The following RHPN2 variants were observed in gnomAD, a reference collection of about 807,000 sequenced individuals.
RHPN2 encodes the protein rhophilin Rho GTPase binding protein 2.
A neutral mutation model predicts 79.0 loss-of-function variants in RHPN2; 40 were observed. That is an observed-to-expected ratio of 0.51 (90% CI 0.39 to 0.66). The LOEUF is 0.66. Among genes scored for constraint, RHPN2 ranks in the 30% least tolerant of loss-of-function variants. The pLI is 0.00. For missense variants in RHPN2, 686 were observed against 883.5 expected (o/e 0.78, Z 2.83); for synonymous variants, 285 against 363.5 (o/e 0.78, Z 2.46).
At chr19:33,027,754 A>G (rs1269109029) in intron 2 of RHPN2, among the ~76,000 whole-genome samples, 1 of 152,076 alleles carries the variant, frequency 6.6e-6, no homozygotes, top group Admixed American at 6.6e-5. Flanking sequence ...ATAAAGGACA[A>G]AAAAACACAT....
At chr19:32,993,832 G>A (rs1210953582) in intron 12 of RHPN2, 145 bp downstream of exon 12, 3 of 686,360 alleles carry the variant, frequency 4.4e-6, no homozygotes, top group Middle Eastern at 2.5e-4. Context: ...CCAGCCTCCG[G>A]AACTAAGAAA....
rs181157790 is a variant in RHPN2 at position 33,050,419 on chromosome 19, C to T, written c.70-6055G>A. ...TACAATTTATATATAATAAAATACA[C>T]ATATTTTAAGTATATAGTTCAATGA... On this transcript the variant is annotated intron_variant, in intron 1 of 14. Transcript: ENST00000254260. 4.6e-5 allele frequency among the ~76,000 whole-genome samples: 7 copies of T among 152,260 alleles called. No homozygotes were observed. In the East Asian group the frequency reaches 1.3e-3, roughly 29 times the overall value.
chr19:33,039,715 G>A (rs575918920), intron 2 of RHPN2, among the ~76,000 whole-genome samples: 1 of 152,046 alleles, frequency 6.6e-6, no homozygotes, highest in South Asian at 2.1e-4. Context: ...GCGCATGCTT[G>A]TAGTCCCAGC....
rs76886985 is a variant in RHPN2 at position 33,036,718 on chromosome 19, G to C, written c.185+7531C>G. On this transcript the variant is annotated intron_variant, in intron 2 of 14. Coordinates refer to ENST00000254260, the MANE Select transcript of RHPN2 (RefSeq NM_033103.5). The stretch of plus-strand genomic sequence containing the variant: ...GTTCCAGGTGGGCGTGGGCTGGACG[G>C]GCCCCGCACTAGGAGCCGACGTCCG... Among the ~76,000 whole-genome samples, 3,562 of 152,298 alleles carry C rather than the reference G, an allele frequency of 0.023. 401 individuals carry two copies. In the East Asian group the frequency reaches 0.36, roughly 15 times the overall value.
chr19:32,987,035 C>G (rs1971617903), intron 14 of RHPN2, among the ~76,000 whole-genome samples: 1 of 151,622 alleles, frequency 6.6e-6, no homozygotes, highest in South Asian at 2.1e-4. Flanking sequence ...CGCCACCATG[C>G]CTCGCTAATT....
Position 33,059,912 on chromosome 19 carries a change from A to G in RHPN2, c.69+4872T>C, listed in dbSNP as rs540839931. On this transcript the variant is annotated intron_variant, in intron 1 of 14. Coordinates refer to ENST00000254260, the MANE Select transcript of RHPN2 (RefSeq NM_033103.5). ...TCTCTACCCACCTCTTAAGCGGAGG[A>G]TCCTTTCTAGCCCAGATCCTTTCAC... 2.0e-5 allele frequency among the ~76,000 whole-genome samples: 3 copies of G among 152,062 alleles called. No homozygotes were observed. The South Asian group carries it at 6.2e-4, about 32-fold the overall frequency.
At chr19:33,020,507 T>TA (rs1271571129) in intron 4 of RHPN2, among the ~76,000 whole-genome samples, 2 of 151,530 alleles carry the variant, frequency 1.3e-5, no homozygotes, top group Non-Finnish European at 2.9e-5. Context: ...TTTTTTTTTT[T>TA]TTTTGAAATG....
intron 2 of RHPN2, among the ~76,000 whole-genome samples, chr19:33,038,169 G>A (rs1047515040): frequency 5.9e-5 from 9 of 151,976 alleles, no homozygotes; most frequent in African/African-American, 2.2e-4. Flanking sequence ...GGACAACATG[G>A]TGAACCCCCT....
At chr19:32,987,733 T>C (rs1347046469) in intron 14 of RHPN2, among the ~76,000 whole-genome samples, 1 of 152,330 alleles carries the variant, frequency 6.6e-6, no homozygotes, top group East Asian at 1.9e-4. Flanking sequence ...AAATATTTAT[T>C]TCTAGCTCTG....
chr19:33,064,717 T>C, intron 1 of RHPN2, 67 bp downstream of exon 1: 2 of 1,441,820 alleles, frequency 1.4e-6, no homozygotes, highest in Non-Finnish European at 1.8e-6. Context: ...CCACGGCCCC[T>C]GCAGGGCCCG....
At chr19:32,991,602 A>G (rs1274848778) in intron 13 of RHPN2, among the ~76,000 whole-genome samples, 1 of 152,198 alleles carries the variant, frequency 6.6e-6, no homozygotes, top group Non-Finnish European at 1.5e-5. Context: ...CCACTGCACG[A>G]TCGCGACTCA....
In RHPN2 at chr19:33,002,176, T is replaced by C. The variant is rs1024059585; in HGVS notation, c.1105+71A>G. ...TCCAGGGAAGGCAGTTAGCTCTCAC[T>C]CAGCTCAGAATCGCCCCTGGGGCAG... On this transcript the variant is annotated intron_variant, in intron 9 of 14. Transcript: ENST00000254260. 4 of 1,552,644 alleles carry C rather than the reference T, an allele frequency of 2.6e-6. No individual in the cohort carries two copies. The African/African-American group carries it at 5.4e-5, about 21-fold the overall frequency.
chr19:33,063,296 A>T (rs1972297661), intron 1 of RHPN2, among the ~76,000 whole-genome samples: 1 of 151,856 alleles, frequency 6.6e-6, no homozygotes, highest in South Asian at 2.1e-4. Context: ...GCTAAAAGCA[A>T]CTTCACAAAA....
intron 12 of RHPN2, among the ~76,000 whole-genome samples, chr19:32,993,020 A>G (rs1971673266): frequency 6.6e-6 from 1 of 152,098 alleles, no homozygotes; most frequent in African/African-American, 2.4e-5. Flanking sequence ...AGGGTAGCTA[A>G]GGCAGGAGGA....
At chr19:32,990,892 G>A (rs1324308650) in intron 13 of RHPN2, 4 of 514,780 alleles carry the variant, frequency 7.8e-6, no homozygotes, top group Middle Eastern at 5.6e-4. Flanking sequence ...AGCCAGGTGT[G>A]GTGGTGGGCA....
intron 14 of RHPN2, among the ~76,000 whole-genome samples, chr19:32,981,428 G>A (rs1194540290): frequency 9.7e-6 from 1 of 102,752 alleles, no homozygotes; most frequent in African/African-American, 3.8e-5. Flanking sequence ...GGGGGGGGGC[G>A]GGGGGAAGGG....
intron 13 of RHPN2, chr19:32,991,476 A>T (rs1029445070): frequency 3.2e-6 from 1 of 309,990 alleles, no homozygotes; most frequent in African/African-American, 2.2e-5. Context: ...AAAAACAAAA[A>T]CTAAAATTAG....
chr19:33,041,450 T>G (rs1170363476), intron 2 of RHPN2, among the ~76,000 whole-genome samples: 1 of 152,204 alleles, frequency 6.6e-6, no homozygotes, highest in Non-Finnish European at 1.5e-5. Context: ...GGGTTTCCTC[T>G]GACAACATTC....
rs145826090 is a variant in RHPN2, at chr19:33,021,625, C to G, written c.336G>C (p.Leu112=). The G allele has an allele frequency of 1.2e-6, 2 of 1,613,802 alleles. No individual in the cohort carries two copies. Among genetic ancestry groups the G allele is most frequent in the African/African-American group, 1.3e-5 (1 of 74,914 alleles). Residue 112 remains leucine (L), a synonymous_variant, in exon 4 of 15, where the codon CTG becomes CTC. Coordinates refer to ENST00000254260, the MANE Select transcript of RHPN2 (RefSeq NM_033103.5). ...QNTEEAFTIP[L]IPLGLKETKD... The stretch of plus-strand genomic sequence containing the variant: ...TCGTTTCCTTCAGGCCAAGAGGAAT[C>G]AGGGGAATCGTAAATGCCTCCCTAT...
Sources: allele counts gnomAD v4.1 joint callset (sites outside exome capture counted in the v4.1 genomes callset), GRCh38; gene constraint gnomAD v4.1.1; transcripts MANE v1.5; gene names NCBI Gene and HGNC (gene_info 2026-07-23, HGNC 2026-07-21).